Variants in ZNF768 observed in about 807,000 individuals in gnomAD.
ZNF768 encodes the protein zinc finger protein 768.
ZNF768 carries 12 observed loss-of-function variants against 39.7 expected under a neutral mutation model. The ratio of observed to expected loss-of-function variants is 0.30; its 90% CI spans 0.19 to 0.49. ZNF768 has a LOEUF of 0.49. Among genes scored for constraint, ZNF768 ranks in the 20% least tolerant of loss-of-function variants. ZNF768 has a pLI of 0.99. For missense variants in ZNF768, 613 were observed against 723.2 expected, an observed-to-expected ratio of 0.85 and a Z score of 1.75; for synonymous variants, 360 against 288.4, an observed-to-expected ratio of 1.25 and a Z score of -2.52.
intron 1 of ZNF768, 25 bp from the exon 2 acceptor site, chr16:30,526,076 G>T: frequency 6.7e-7 from 1 of 1,492,902 alleles, no homozygotes. Flanking sequence ...AATCCAGATC[G>T]TGTGAGACCT....
At chr16:30,526,797 C>G (rs532575615), upstream of ZNF768, 345 of 776,276 alleles carry the variant, frequency 4.4e-4, 1 homozygote, top group African/African-American at 6.6e-3. Flanking sequence ...CCCAGCACCC[C>G]CCCACCCTCC....
rs756400802 is a variant in ZNF768 at position 30,525,901 on chromosome 16, T to G, written c.239A>C (p.Glu80Ala). ...PEFEPQSPRF[E>A]PESPGFESRS... is the part of the protein sequence containing the mutation. ...GGACTCAAACCCCGGGCTTTCAGGC[T>G]CAAATCTGGGGCTTTGGGGTTCAAA... is the stretch of plus-strand genomic sequence containing the variant. The change falls in exon 2 of 2, where the codon GAG (glutamate) becomes GCG (alanine). Residue 80 changes from glutamate (E) to alanine (A), a missense_variant. Transcript: ENST00000380412. The G allele has an allele frequency of 2.6e-6, 4 of 1,520,054 alleles. No individual in the cohort carries two copies. The South Asian group carries it at 4.1e-5, about 15-fold the overall frequency. 94.2% of individuals were successfully genotyped at this position (1,520,054 alleles called of 1,614,324 possible). A position where few individuals can be genotyped will look rare whatever the true frequency, so the allele number is the denominator to read the frequency against.
At chr16:30,526,836 A>G, upstream of ZNF768, 1 of 474,550 alleles carries the variant, frequency 2.1e-6, no homozygotes, top group Non-Finnish European at 2.6e-6. Flanking sequence ...GTCCGCGGCC[A>G]GGTCCCCCCG....
Position 30,524,751 on chromosome 16 carries a change from G to A in ZNF768, c.1389C>T (p.Gly463=), listed in dbSNP as rs2051304599. The change falls in exon 2 of 2, where the codon GGC becomes GGT. Residue 463 remains glycine, a synonymous_variant. Transcript: ENST00000380412. ...GAGTGGAGGAGCGATTGAAGGTCTT[G>A]CCGCAGTCGGGGCAGCTGTAGGTGC... ...PGRTYSCPDC[G]KTFNRSSTLI... 1 of 1,612,764 alleles carries A rather than the reference G, an allele frequency of 6.2e-7. No individual in the cohort carries two copies.
At position 30,524,534 on chromosome 16, in the gene ZNF768, C is replaced by T. The variant is rs780989957; in HGVS notation, c.1606G>A (p.Ala536Thr). 1.9e-6 allele frequency: 3 copies of T among 1,609,292 alleles called. No homozygotes were observed. Among genetic ancestry groups the T allele is most frequent in the Admixed American group, 1.7e-5 (1 of 59,938 alleles). Residue 536 changes from alanine to threonine, a missense_variant, in exon 2 of 2, where the codon GCG becomes ACG. Physicochemically the swap from Ala to Thr is moderately conservative, Grantham distance 58. Transcript: ENST00000380412. ...SDLIRHQRTH[A>T]AGRR is the part of the protein sequence containing the mutation. ...GCCCCAGGTCAGCGCCGGCCCGCCG[C>T]GTGGGTCCGCTGGTGGCGGATGAGG...
upstream of ZNF768, among the ~76,000 whole-genome samples, chr16:30,529,268 C>T (rs971546746): frequency 6.6e-6 from 1 of 152,258 alleles, no homozygotes; most frequent in African/African-American, 2.4e-5. Context: ...TTGGGGAGTC[C>T]ACTGGCATTG....
upstream of ZNF768, chr16:30,526,962 G>C (rs2051333752): frequency 1.0e-6 from 1 of 985,290 alleles, no homozygotes; most frequent in Non-Finnish European, 1.2e-6. Flanking sequence ...CCCGGAGCCC[G>C]CGGGGCTACC....
In ZNF768 at chr16:30,524,766, G is replaced by C. The variant is rs926986129; in HGVS notation, c.1374C>G (p.Ser458Arg). The change falls in exon 2 of 2, where the codon AGC (serine) becomes AGG (arginine). Residue 458 changes from serine (S) to arginine (R), a missense_variant. This residue lies in a region of ZNF768 where 204 missense variants were observed against 281.7 expected (regional missense o/e 0.72). Coordinates refer to ENST00000380412, the MANE Select transcript of ZNF768 (RefSeq NM_024671.4). ...ARTHLPGRTY[S>R]CPDCGKTFNR... ...TGAAGGTCTTGCCGCAGTCGGGGCA[G>C]CTGTAGGTGCGGCCTGGCAGGTGGG... is the stretch of plus-strand genomic sequence containing the variant. 1 of 1,611,910 alleles carries C rather than the reference G, an allele frequency of 6.2e-7. No homozygotes were observed. The highest frequency in any genetic ancestry group is 8.5e-7 in the Non-Finnish European group (1 of 1,179,496).
At chr16:30,526,684 G>A, upstream of ZNF768, 1 of 934,862 alleles carries the variant, frequency 1.1e-6, no homozygotes, top group Non-Finnish European at 1.3e-6. Flanking sequence ...CCTCGGGGAT[G>A]AGGGGCTTCG....
At chr16:30,526,278 C>G (rs1380858811) in intron 1 of ZNF768, 48 bp downstream of exon 1, 1 of 1,605,304 alleles carries the variant, frequency 6.2e-7, no homozygotes, top group Non-Finnish European at 8.5e-7. Context: ...GCCACAGCCC[C>G]TTCTCCTGCG....
chr16:30,528,819 G>A (rs114760079), upstream of ZNF768, among the ~76,000 whole-genome samples: 1,883 of 152,250 alleles, frequency 0.012, 45 homozygotes, highest in African/African-American at 0.042. Context: ...ACTCACACAG[G>A]TAGGAAACAA....
In ZNF768 at chr16:30,524,594, C is replaced by G; in HGVS notation, c.1546G>C (p.Asp516His). 1.2e-6 allele frequency: 2 copies of G among 1,612,732 alleles called. No homozygotes were observed. The highest frequency in any genetic ancestry group is 2.2e-5 in the East Asian group (1 of 44,872). ...TGGGAGAAGGCCTTTCCGCAGTCAT[C>G]GCACTTGTAAGGCCGCTCGCCACTG... ...VHSGERPYKC[D>H]DCGKAFSQSS... Residue 516 changes from aspartate to histidine, a missense_variant, in exon 2 of 2, where the codon GAT becomes CAT. By Grantham distance (81) the Asp-to-His change is moderately conservative. Coordinates refer to ENST00000380412, the MANE Select transcript of ZNF768 (RefSeq NM_024671.4).
chr16:30,529,653 A>G (rs2051353454), upstream of ZNF768, among the ~76,000 whole-genome samples: 1 of 152,158 alleles, frequency 6.6e-6, no homozygotes, highest in Non-Finnish European at 1.5e-5. Context: ...TGTATGCCTG[A>G]CATTGGGGAC....
chr16:30,527,440 C>G, upstream of ZNF768: 1 of 526,566 alleles, frequency 1.9e-6, no homozygotes, highest in Non-Finnish European at 2.4e-6. Flanking sequence ...CGATGGGGCT[C>G]GTGCTCTAGC....
At chr16:30,526,598 C>T (rs1377618450), upstream of ZNF768, 3 of 1,014,260 alleles carry the variant, frequency 3.0e-6, no homozygotes, top group East Asian at 1.0e-4. Context: ...CGCCGGGCCC[C>T]TCCCCTGCCC....
chr16:30,525,952 G>A lies in ZNF768; in HGVS notation c.188C>T (p.Pro63Leu), dbSNP rs2051318936. The change falls in exon 2 of 2, where the codon CCT (proline) becomes CTT (leucine). Residue 63 changes from proline to leucine, a missense_variant. Transcript: ENST00000380412. ...CTCTGGGCTTTGTGGCTCAAACCCA[G>A]GGCTCTGGGGTTCAAGCCCAAATGG... ...EIPFGLEPQS[P>L]GFEPQSPEFE... The A allele has an allele frequency of 6.6e-7, 1 of 1,511,598 alleles. No individual in the cohort carries two copies. The highest frequency in any genetic ancestry group is 2.3e-5 in the Admixed American group (1 of 42,708). 93.6% of individuals were successfully genotyped at this position (1,511,598 alleles called of 1,614,324 possible). A position where few individuals can be genotyped will look rare whatever the true frequency, so the allele number is the denominator to read the frequency against.
In ZNF768 at chr16:30,526,482, C is replaced by G. The variant is rs557502160; in HGVS notation, c.-69G>C. ...TCCCGCGACCCGGCCTCGGTTGCCC[C>G]GAGCCGCGGGCCCCCGCCTCCCGCC... On this transcript the variant is annotated 5_prime_UTR_variant, in exon 1 of 2. Coordinates refer to ENST00000380412, the MANE Select transcript of ZNF768 (RefSeq NM_024671.4). The G allele has an allele frequency of 2.1e-5, 27 of 1,299,906 alleles. No individual in the cohort carries two copies. The Admixed American group carries it at 6.0e-4, about 29-fold the overall frequency. 80.5% of individuals were successfully genotyped at this position (1,299,906 alleles called of 1,614,324 possible). A position where few individuals can be genotyped will look rare whatever the true frequency, so the allele number is the denominator to read the frequency against.
At position 30,525,689 on chromosome 16, in the gene ZNF768, A is replaced by G; in HGVS notation, c.451T>C (p.Ser151Pro). 6.2e-7 allele frequency: 1 copy of G among 1,614,010 alleles called. No homozygotes were observed. Among genetic ancestry groups the G allele is most frequent in the Non-Finnish European group, 8.5e-7 (1 of 1,179,978 alleles). ...GYESESSRYE[S>P]QNTELKTQSP... ...TGGGTTTTGAGCTCAGTGTTCTGGGATTCATATCTAGAGCTCTCAGATTCA... is the reference window on the plus strand; with the variant it reads ...TGGGTTTTGAGCTCAGTGTTCTGGGGTTCATATCTAGAGCTCTCAGATTCA... The change falls in exon 2 of 2, where the codon TCC becomes CCC. Residue 151 changes from serine to proline, a missense_variant. Ser to Pro is a moderately conservative substitution (Grantham distance 74). Transcript: ENST00000380412.
At position 30,525,107 on chromosome 16, in the gene ZNF768, A is replaced by G; in HGVS notation, c.1033T>C (p.Tyr345His). 6.2e-7 allele frequency: 1 copy of G among 1,614,126 alleles called. No homozygotes were observed. The highest frequency in any genetic ancestry group is 8.5e-7 in the Non-Finnish European group (1 of 1,180,002). Residue 345 changes from tyrosine to histidine, a missense_variant, in exon 2 of 2, where the codon TAC becomes CAC. Tyr to His is a moderately conservative substitution (Grantham distance 83, BLOSUM62 2). Transcript: ENST00000380412. The stretch of plus-strand genomic sequence containing the variant: ...GCCTTGCCACAATGTGGGCACTTGT[A>G]GGGCTTCTGGCCAGAGTGAGTGCGC... ...HQRTHSGQKP[Y>H]KCPHCGKAFG...
Sources: allele counts gnomAD v4.1 joint callset (sites outside exome capture counted in the v4.1 genomes callset), GRCh38; gene constraint gnomAD v4.1.1; regional missense constraint gnomAD v4.1.1; transcripts MANE v1.5; gene names NCBI Gene and HGNC (gene_info 2026-07-23, HGNC 2026-07-21).